The following PLCB4 variants were observed in gnomAD, a reference collection of about 807,000 sequenced individuals.
PLCB4 encodes 1-phosphatidylinositol 4,5-bisphosphate phosphodiesterase beta-4.
PLCB4 carries 77 observed loss-of-function variants against 178.8 expected under a neutral mutation model. The observed-to-expected ratio is 0.43, with a 90% CI of 0.36 to 0.52. PLCB4 has a LOEUF of 0.52. Ranked by LOEUF, PLCB4 falls within the 20% of genes least tolerant of loss-of-function variation. The pLI is 0.00. For synonymous variants in PLCB4, 496 were observed against 490.8 expected (o/e 1.01, Z -0.14); for missense variants, 1,024 against 1,453.4 (o/e 0.70, Z 4.80).
At chr20:9,084,590 A>AG (rs1382182704) in intron 1 of PLCB4, among the ~76,000 whole-genome samples, 1 of 152,088 alleles carries the variant, frequency 6.6e-6, no homozygotes, top group East Asian at 1.9e-4. Flanking sequence ...GGTGCCTGTC[A>AG]GGAAAAAACC....
rs563041513 is a variant in PLCB4, at chr20:9,294,854, C to T, written c.-15-12946C>T. 3.4e-3 allele frequency among the ~76,000 whole-genome samples: 521 copies of T among 152,230 alleles called. 1 individual carries two copies. Among genetic ancestry groups the T allele is most frequent in the Non-Finnish European group, 6.2e-3 (423 of 68,016 alleles). On this transcript the variant is annotated intron_variant, in intron 3 of 39. Coordinates refer to ENST00000378473, the MANE Select transcript of PLCB4 (RefSeq NM_001377142.1). ...CTGTCGGGGTACCATACTTTAAGAA[C>T]CAATAATCTAAGGCAAATCCAGGGA...
At chr20:9,314,959 C>T (rs2094882323) in intron 4 of PLCB4, among the ~76,000 whole-genome samples, 1 of 151,910 alleles carries the variant, frequency 6.6e-6, no homozygotes, top group Admixed American at 6.6e-5. Flanking sequence ...GCAACCTCCG[C>T]CTCCTGGGTT....
intron 3 of PLCB4, among the ~76,000 whole-genome samples, chr20:9,229,679 C>A (rs1482396247): frequency 7.3e-5 from 11 of 151,232 alleles, no homozygotes; most frequent in African/African-American, 2.7e-4. Context: ...AATCTGGGTT[C>A]TTTGTGTTTA....
chr20:9,158,432 A>ATTT (rs371785974), intron 2 of PLCB4, among the ~76,000 whole-genome samples: 156 of 140,154 alleles, frequency 1.1e-3, no homozygotes, highest in African/African-American at 2.7e-3. Flanking sequence ...CACCTGGCTA[A>ATTT]TTTTTTTTTT....
chr20:9,323,807 C>T, intron 4 of PLCB4, among the ~76,000 whole-genome samples: 1 of 152,132 alleles, frequency 6.6e-6, no homozygotes, highest in East Asian at 1.9e-4. Flanking sequence ...CCTTTCCTGC[C>T]CAAGTGAGGC....
At chr20:9,176,105 T>C (rs956755987) in intron 2 of PLCB4, among the ~76,000 whole-genome samples, 1 of 152,212 alleles carries the variant, frequency 6.6e-6, no homozygotes, top group South Asian at 2.1e-4. Flanking sequence ...TTCATACAAA[T>C]GGAACTATGT....
chr20:9,118,928 A>T (rs769721732), intron 2 of PLCB4, among the ~76,000 whole-genome samples: 1 of 152,176 alleles, frequency 6.6e-6, no homozygotes, highest in Non-Finnish European at 1.5e-5. Context: ...TGCTCTGAGC[A>T]TCTTGCTAGG....
At chr20:9,181,830 A>G (rs776097914) in intron 2 of PLCB4, among the ~76,000 whole-genome samples, 35 of 152,232 alleles carry the variant, frequency 2.3e-4, no homozygotes, top group Non-Finnish European at 3.1e-4. Context: ...CTAGGACAAC[A>G]AAGTGAGACA....
At chr20:9,404,018 G>A (rs2039241678) in intron 20 of PLCB4, among the ~76,000 whole-genome samples, 1 of 152,198 alleles carries the variant, frequency 6.6e-6, no homozygotes, top group South Asian at 2.1e-4. Context: ...AAGTTTTGAT[G>A]TGAAGGGGAG....
intron 3 of PLCB4, among the ~76,000 whole-genome samples, chr20:9,229,752 A>G (rs760298501): frequency 1.3e-5 from 2 of 152,046 alleles, no homozygotes; most frequent in Non-Finnish European, 2.9e-5. Context: ...GGTCTGTTAC[A>G]TAGGTAAACA....
chr20:9,112,618 C>T (rs2146698948), intron 2 of PLCB4, among the ~76,000 whole-genome samples: 1 of 152,126 alleles, frequency 6.6e-6, no homozygotes, highest in Non-Finnish European at 1.5e-5. Flanking sequence ...TCAGGCATAC[C>T]ATATGTCTTT....
intron 2 of PLCB4, among the ~76,000 whole-genome samples, chr20:9,149,338 C>T (rs1000924707): frequency 2.0e-5 from 3 of 152,152 alleles, no homozygotes; most frequent in African/African-American, 7.2e-5. Context: ...GATAGCAGCT[C>T]TCCTCAGTTG....
intron 3 of PLCB4, 101 bp from the exon 4 acceptor site, chr20:9,307,699 T>G: frequency 1.9e-6 from 1 of 518,600 alleles, no homozygotes; most frequent in Non-Finnish European, 3.4e-6. Flanking sequence ...TTCCACATAT[T>G]TAAAGTAAAT....
At chr20:9,324,676 G>A (rs1482544911) in intron 4 of PLCB4, among the ~76,000 whole-genome samples, 1 of 152,110 alleles carries the variant, frequency 6.6e-6, no homozygotes, top group African/African-American at 2.4e-5. Context: ...TTCTCTAGGT[G>A]GTAGCAGTGG....
At chr20:9,448,102 T>C (rs1049428180) in intron 32 of PLCB4, among the ~76,000 whole-genome samples, 11 of 152,196 alleles carry the variant, frequency 7.2e-5, no homozygotes, top group African/African-American at 2.7e-4. Context: ...TTTTGAGGAC[T>C]GTTTTTTTAG....
At chr20:9,162,969 G>C (rs964664695) in intron 2 of PLCB4, among the ~76,000 whole-genome samples, 2 of 152,014 alleles carry the variant, frequency 1.3e-5, no homozygotes, top group Non-Finnish European at 2.9e-5. Context: ...CAATTTCTGG[G>C]GTTTAAATAT....
chr20:9,441,194 A>C (rs2148662984), intron 30 of PLCB4, among the ~76,000 whole-genome samples: 1 of 152,290 alleles, frequency 6.6e-6, no homozygotes, highest in South Asian at 2.1e-4. Context: ...CTAAAAGGAC[A>C]CATGTGGAGG....
intron 2 of PLCB4, among the ~76,000 whole-genome samples, chr20:9,123,598 C>T (rs866904297): frequency 1.6e-4 from 25 of 151,666 alleles, no homozygotes; most frequent in Admixed American, 2.6e-4. Context: ...TGTTCAATTC[C>T]ACCTTCTCTC....
intron 17 of PLCB4, among the ~76,000 whole-genome samples, chr20:9,391,863 AG>A (rs555101661): frequency 5.5e-4 from 84 of 152,230 alleles, no homozygotes; most frequent in African/African-American, 2.0e-3. Flanking sequence ...TCTGCCTTCC[AG>A]GGTTTCCCAG....
Sources: allele counts gnomAD v4.1 joint callset (sites outside exome capture counted in the v4.1 genomes callset), GRCh38; gene constraint gnomAD v4.1.1; transcripts MANE v1.5; gene names NCBI Gene and HGNC (gene_info 2026-07-23, HGNC 2026-07-21).